The following ADGRG1 variants were observed in gnomAD, a reference collection of about 807,000 sequenced individuals.
The protein encoded by ADGRG1 is 7-transmembrane protein with no EGF-like N-terminal domains-1.
A neutral mutation model predicts 73.5 loss-of-function variants in ADGRG1; 53 were observed. That is an observed-to-expected ratio of 0.72 (90% CI 0.58 to 0.91). ADGRG1 has a LOEUF of 0.91. ADGRG1 is among the 40% of genes least tolerant of loss of function. The pLI is 0.00. For synonymous variants in ADGRG1, 394 were observed against 374.4 expected (o/e 1.05, Z -0.60); for missense variants, 795 against 871.8 (o/e 0.91, Z 1.11).
chr16:57,641,460 C>T, intron 1 of ADGRG1: 4 of 984,826 alleles, frequency 4.1e-6, no homozygotes, highest in Non-Finnish European at 4.8e-6. Context: ...ACTGCTGGCT[C>T]TTTGGCTCTT....
chr16:57,658,129 A>T (rs914788288), intron 10 of ADGRG1, among the ~76,000 whole-genome samples: 12 of 152,228 alleles, frequency 7.9e-5, no homozygotes, highest in African/African-American at 2.4e-4. Flanking sequence ...AAAAACTTAA[A>T]AAAGGAAAGA....
At chr16:57,634,291 C>G in intron 1 of ADGRG1, 1 of 985,394 alleles carries the variant, frequency 1.0e-6, no homozygotes, top group Non-Finnish European at 1.2e-6. Context: ...CCCAGACCCA[C>G]CTGCTTTGAT....
At chr16:57,623,226 C>T, upstream of ADGRG1, 1 of 985,312 alleles carries the variant, frequency 1.0e-6, no homozygotes, top group Non-Finnish European at 1.2e-6. Flanking sequence ...TGCTCCAAGT[C>T]TAGAACCTTC....
upstream of ADGRG1, chr16:57,626,632 G>T (rs976890113): frequency 4.7e-5 from 46 of 985,302 alleles, no homozygotes; most frequent in Non-Finnish European, 5.1e-5. Flanking sequence ...AGCTGGCTCC[G>T]CACTCTCTTC....
intron 2 of ADGRG1, among the ~76,000 whole-genome samples, chr16:57,622,431 G>A (rs1462591017): frequency 2.0e-5 from 3 of 152,148 alleles, no homozygotes; most frequent in African/African-American, 7.2e-5. Flanking sequence ...ATCATCCCAG[G>A]AGCCACACTC....
At chr16:57,637,676 C>T (rs2039707017) in intron 1 of ADGRG1, 10 of 985,454 alleles carry the variant, frequency 1.0e-5, no homozygotes, top group Non-Finnish European at 1.1e-5. Flanking sequence ...AGCTCTGGGC[C>T]TGCAGTGAGA....
At chr16:57,628,016 T>C (rs1419455875), upstream of ADGRG1, 2 of 985,222 alleles carry the variant, frequency 2.0e-6, no homozygotes, top group Admixed American at 1.2e-4. Context: ...TGACTTGGGA[T>C]GTTGAAACTG....
intron 11 of ADGRG1, among the ~76,000 whole-genome samples, chr16:57,660,058 G>A (rs981349388): frequency 2.0e-5 from 3 of 152,176 alleles, no homozygotes; most frequent in Non-Finnish European, 4.4e-5. Flanking sequence ...CCCTGCCTCA[G>A]GATCCCCCTG....
chr16:57,644,898 ACACT>A (rs1181969465), intron 1 of ADGRG1, among the ~76,000 whole-genome samples: 2 of 138,716 alleles, frequency 1.4e-5, no homozygotes, highest in Non-Finnish European at 3.1e-5. Context: ...ATGGGCACAC[ACACT>A]CATCACTTCA....
intron 1 of ADGRG1, chr16:57,640,910 G>A (rs774783267): frequency 1.0e-6 from 1 of 985,602 alleles, no homozygotes; most frequent in Non-Finnish European, 1.2e-6. Flanking sequence ...GGCTGACCTT[G>A]CGGGCCTGGC....
chr16:57,644,880 ACT>A (rs2042122827), intron 1 of ADGRG1, among the ~76,000 whole-genome samples: 1 of 146,246 alleles, frequency 6.8e-6, no homozygotes, highest in Admixed American at 6.8e-5. Flanking sequence ...ACACATGTAC[ACT>A]CATGCATGGG....
intron 1 of ADGRG1, chr16:57,647,226 A>G: frequency 1.0e-6 from 1 of 985,368 alleles, no homozygotes; most frequent in Non-Finnish European, 1.2e-6. Flanking sequence ...CTCCTGTCCC[A>G]ACGGGCTTCT....
At chr16:57,656,751 A>C (rs1373476235) in intron 9 of ADGRG1, 134 bp downstream of exon 9, 1 of 734,288 alleles carries the variant, frequency 1.4e-6, no homozygotes, top group Non-Finnish European at 2.5e-6. Flanking sequence ...GTCCCATTTT[A>C]TAGATGAGGA....
intron 10 of ADGRG1, 45 bp downstream of exon 10, chr16:57,657,536 C>A: frequency 7.4e-7 from 1 of 1,351,722 alleles, no homozygotes; most frequent in Non-Finnish European, 1.1e-6. Context: ...CCCTCCATTG[C>A]ACACACCTCC....
intron 1 of ADGRG1, chr16:57,646,336 CT>C (rs2042629547): frequency 1.2e-6 from 1 of 857,422 alleles, no homozygotes; most frequent in South Asian, 5.6e-5. Context: ...AGCTGGAGCC[CT>C]GGGGGTGGGG....
intron 13 of ADGRG1, 83 bp from the exon 14 acceptor site, chr16:57,663,369 C>T (rs561127370): frequency 6.9e-5 from 109 of 1,584,968 alleles, no homozygotes; most frequent in Non-Finnish European, 8.4e-5. Flanking sequence ...GGGGCAGACC[C>T]GAGTCACAAT....
chr16:57,656,622 G>C lies in ADGRG1; in HGVS notation c.1167+5G>C. The C allele has an allele frequency of 6.3e-7, 1 of 1,578,422 alleles. No individual in the cohort carries two copies. On this transcript the variant is annotated splice_donor_5th_base_variant and intron_variant, in intron 9 of 13. Transcript: ENST00000562631. Reference sequence around the variant, plus strand: ...ACCTACTTTGCAGTGCTGATGGTGAGGGTCCCTGCTCCCACCTCGCAGCCA... The same window carrying C: ...ACCTACTTTGCAGTGCTGATGGTGACGGTCCCTGCTCCCACCTCGCAGCCA...
At chr16:57,645,363 C>T in intron 1 of ADGRG1, 1 of 972,838 alleles carries the variant, frequency 1.0e-6, no homozygotes, top group Non-Finnish European at 1.2e-6. Flanking sequence ...CCTTGGCTCC[C>T]TTCCCACCCC....
rs944046309 is a variant in ADGRG1, at chr16:57,644,968, A to G, written c.-35-5285A>G. The G allele has an allele frequency of 1.3e-5, 8 of 615,752 alleles. No homozygotes were observed. The African/African-American group carries it at 1.5e-4, about 11-fold the overall frequency. The allele number at this position is 615,752 out of a possible 1,614,324, so 38.1% of individuals were successfully genotyped here. A position where few individuals can be genotyped will look rare whatever the true frequency, so the allele number is the denominator to read the frequency against. ...GCACCCACTGATCACACACTCATGC[A>G]TGGGCACACACCCCCATGCACACAC... On this transcript the variant is annotated intron_variant, in intron 1 of 13. Transcript: ENST00000562631.
Sources: gnomAD v4.1 joint callset for allele counts (sites outside exome capture counted in the v4.1 genomes callset) on GRCh38, gnomAD v4.1.1 for gene constraint, MANE v1.5 for transcripts, NCBI Gene and HGNC (gene_info 2026-07-23, HGNC 2026-07-21) for gene names.